Variants in STK40 observed in about 807,000 individuals in gnomAD.
STK40 encodes the protein serine/threonine kinase 40.
STK40 carries 13 observed loss-of-function variants against 47.9 expected under a neutral mutation model. That is an observed-to-expected ratio of 0.27 (90% CI 0.18 to 0.43). The LOEUF (loss-of-function observed/expected upper bound fraction) is 0.43. STK40 is among the 20% of genes least tolerant of loss of function. STK40 has a pLI of 1.00. For missense variants in STK40, 460 were observed against 595.1 expected, an observed-to-expected ratio of 0.77 and a Z score of 2.36; for synonymous variants, 225 against 243.2, an observed-to-expected ratio of 0.93 and a Z score of 0.69.
intron 5 of STK40, 31 bp downstream of exon 5, chr1:36,355,175 C>T: frequency 1.2e-6 from 2 of 1,607,548 alleles, no homozygotes; most frequent in Non-Finnish European, 1.7e-6. Flanking sequence ...TTTCTGTGGC[C>T]AGAAGGCGCA....
intron 1 of STK40, chr1:36,372,904 T>G (rs1404897294): frequency 2.0e-5 from 3 of 152,152 alleles, no homozygotes; most frequent in Non-Finnish European, 2.9e-5. Context: ...TACTCACATG[T>G]AGATGCTTCT....
Position 36,344,091 on chromosome 1 carries a change from C to A in STK40, c.884+29G>T. 2.5e-6 allele frequency: 4 copies of A among 1,580,986 alleles called. No homozygotes were observed. In the South Asian group the frequency reaches 3.4e-5, roughly 13 times the overall value. On this transcript the variant is annotated intron_variant, in intron 8 of 10. Coordinates refer to ENST00000373132, the MANE Select transcript of STK40 (RefSeq NM_001282547.2). ...CCTTAAGCCCATCAGGCTGGCTGCC[C>A]CCCCCACCCCCCGGGAGGCAGGACT... is the stretch of plus-strand genomic sequence containing the variant.
chr1:36,356,553 G>A (rs1646807103), intron 4 of STK40, among the ~76,000 whole-genome samples: 1 of 150,256 alleles, frequency 6.7e-6, no homozygotes, highest in African/African-American at 2.5e-5. Flanking sequence ...AGCCTCCCGA[G>A]TAGCTGGGAA....
intron 7 of STK40, among the ~76,000 whole-genome samples, chr1:36,345,993 T>TATATATA (rs1255116115): frequency 4.3e-3 from 37 of 8,536 alleles, no homozygotes; most frequent in African/African-American, 0.012. Context: ...ATATATATAT[T>TATATATA]TTTTTTTTTT....
intron 10 of STK40, chr1:36,342,630 G>A (rs900830601): frequency 6.3e-6 from 1 of 158,312 alleles, no homozygotes; most frequent in African/African-American, 2.4e-5. Context: ...GTGCCCTCGG[G>A]GTAGGCACTC....
At chr1:36,364,164 A>G (rs910421394) in intron 1 of STK40, among the ~76,000 whole-genome samples, 1 of 152,192 alleles carries the variant, frequency 6.6e-6, no homozygotes, top group Admixed American at 6.5e-5. Context: ...AGAAAAAACA[A>G]CAACAACAAC....
intron 1 of STK40, among the ~76,000 whole-genome samples, chr1:36,362,180 G>A (rs1010214868): frequency 6.6e-6 from 1 of 152,110 alleles, no homozygotes; most frequent in African/African-American, 2.4e-5. Flanking sequence ...AGACACCTCT[G>A]GACACAGATT....
intron 1 of STK40, among the ~76,000 whole-genome samples, chr1:36,374,009 C>T (rs1303074361): frequency 1.3e-5 from 2 of 152,208 alleles, no homozygotes; most frequent in Non-Finnish European, 2.9e-5. Context: ...GAGGGCCCTG[C>T]GCCCAGCCTG....
chr1:36,345,829 T>C (rs1487093990), intron 7 of STK40, among the ~76,000 whole-genome samples: 1 of 151,380 alleles, frequency 6.6e-6, no homozygotes, highest in Non-Finnish European at 1.5e-5. Flanking sequence ...GAGGTATGAA[T>C]GGCCCCTCCC....
intron 5 of STK40, among the ~76,000 whole-genome samples, chr1:36,354,940 C>A (rs185442425): frequency 1.5e-3 from 232 of 152,254 alleles, no homozygotes; most frequent in African/African-American, 5.3e-3. Context: ...GGGGTGGACA[C>A]CAGGCCTCTT....
At chr1:36,376,630 C>T (rs1350883696) in intron 1 of STK40, among the ~76,000 whole-genome samples, 3 of 152,168 alleles carry the variant, frequency 2.0e-5, no homozygotes, top group Non-Finnish European at 4.4e-5. Flanking sequence ...TAATTATGTT[C>T]AGCTAGACAA....
chr1:36,356,864 T>C (rs1021621117), intron 4 of STK40, among the ~76,000 whole-genome samples: 1 of 152,138 alleles, frequency 6.6e-6, no homozygotes, highest in African/African-American at 2.4e-5. Context: ...AAGGCCAAGC[T>C]TCTGAAGATA....
chr1:36,344,096 C>T lies in STK40; in HGVS notation c.884+24G>A, dbSNP rs3795497. ...AGCCCATCAGGCTGGCTGCCCCCCC[C>T]ACCCCCCGGGAGGCAGGACTCACTC... On this transcript the variant is annotated intron_variant, in intron 8 of 10. Coordinates refer to ENST00000373132, the MANE Select transcript of STK40 (RefSeq NM_001282547.2). 9.0e-4 allele frequency: 1,432 copies of T among 1,585,490 alleles called. 7 individuals carry two copies. In the East Asian group the frequency reaches 0.011, roughly 12 times the overall value.
chr1:36,371,163 G>A (rs970818186), intron 1 of STK40, among the ~76,000 whole-genome samples: 45 of 151,624 alleles, frequency 3.0e-4, no homozygotes, highest in African/African-American at 9.7e-4. Flanking sequence ...ACAGGCGTGA[G>A]CCACCACACC....
At position 36,343,892 on chromosome 1, in the gene STK40, G is replaced by A. The variant is rs1268905969; in HGVS notation, c.972C>T (p.Val324=). Residue 324 remains valine, a synonymous_variant, in exon 9 of 11, where the codon GTC becomes GTT. Transcript: ENST00000373132. ...DPQQRLAAAD[V]LEALSAIIAS... is the part of the protein sequence containing the mutation. ...CAATGATGGCACTGAGGGCCTCCAG[G>A]ACGTCGGCGGCGGCCAGGCGCTGCT... is the stretch of plus-strand genomic sequence containing the variant. 2 of 1,605,838 alleles carry A rather than the reference G, an allele frequency of 1.2e-6. No individual in the cohort carries two copies. Among genetic ancestry groups the A allele is most frequent in the African/African-American group, 2.7e-5 (2 of 74,786 alleles).
intron 6 of STK40, 116 bp downstream of exon 6, chr1:36,354,248 G>T: frequency 9.1e-7 from 1 of 1,099,428 alleles, no homozygotes; most frequent in Non-Finnish European, 1.4e-6. Context: ...CCTGGAGGAA[G>T]TGGGTTGTTT....
At chr1:36,358,521 C>A in intron 3 of STK40, 139 bp from the exon 4 acceptor site, 2 of 1,303,974 alleles carry the variant, frequency 1.5e-6, no homozygotes, top group Non-Finnish European at 2.1e-6. Context: ...CAAGTGAAAT[C>A]GTTTTTCTTA....
At chr1:36,378,763 CT>C (rs1053280980) in intron 1 of STK40, among the ~76,000 whole-genome samples, 2 of 152,214 alleles carry the variant, frequency 1.3e-5, no homozygotes, top group African/African-American at 4.8e-5. Flanking sequence ...GCCGGGCCTC[CT>C]TTTTTTGCTG....
intron 2 of STK40, among the ~76,000 whole-genome samples, chr1:36,360,827 G>A (rs1646845916): frequency 6.6e-6 from 1 of 152,184 alleles, no homozygotes; most frequent in South Asian, 2.1e-4. Flanking sequence ...ACATAAGTGA[G>A]CTATTGCACC....
Sources: gnomAD v4.1 joint callset for allele counts (sites outside exome capture counted in the v4.1 genomes callset) on GRCh38, gnomAD v4.1.1 for gene constraint, MANE v1.5 for transcripts, NCBI Gene and HGNC (gene_info 2026-07-23, HGNC 2026-07-21) for gene names.